DOC2B: variants seen among roughly 807,000 people sequenced by gnomAD.
DOC2B encodes double C2-like domain-containing protein beta.
Under a neutral mutation model 28.9 loss-of-function variants are expected in DOC2B, and 21 were observed. That is an observed-to-expected ratio of 0.73 (90% CI 0.52 to 1.05). The LOEUF (loss-of-function observed/expected upper bound fraction) is 1.05, where lower values mean the gene tolerates loss of function less well. Ranked by LOEUF, DOC2B falls within the 50% of genes least tolerant of loss-of-function variation. DOC2B has a pLI of 0.00. For synonymous variants in DOC2B, 194 were observed against 178.1 expected (o/e 1.09, Z -0.71); for missense variants, 384 against 421.1 (o/e 0.91, Z 0.77).
chr17:153,022 A>T (rs2040088969), intron 6 of DOC2B, among the ~76,000 whole-genome samples: 1 of 151,998 alleles, frequency 6.6e-6, no homozygotes, highest in South Asian at 2.1e-4. Flanking sequence ...CCTTTCAGAG[A>T]CGGGGACCCC....
At chr17:156,613 G>A (rs1412506195) in intron 5 of DOC2B, among the ~76,000 whole-genome samples, 4 of 152,234 alleles carry the variant, frequency 2.6e-5, no homozygotes, top group South Asian at 2.1e-4. Context: ...TGTGGCCTAC[G>A]GTGGCCTTCA....
Position 178,637 on chromosome 17 carries a change from A to T in DOC2B, c.373+2470T>A, listed in dbSNP as rs2040396357. Among the ~76,000 whole-genome samples the T allele has an allele frequency of 1.3e-5, 2 of 152,212 alleles. 1 individual carries two copies. Among genetic ancestry groups the T allele is most frequent in the Admixed American group, 1.3e-4 (2 of 15,282 alleles). On this transcript the variant is annotated intron_variant, in intron 1 of 8. Coordinates refer to ENST00000613549, the MANE Select transcript of DOC2B (RefSeq NM_003585.5). Reference sequence around the variant, plus strand: ...CTCCCTGTCATCGCCCCTCTTCGAGATCTGCTGGGAACATGCGAGTTATGT... The same window carrying T: ...CTCCCTGTCATCGCCCCTCTTCGAGTTCTGCTGGGAACATGCGAGTTATGT...
intron 6 of DOC2B, among the ~76,000 whole-genome samples, chr17:150,926 G>A (rs1477324025): frequency 1.3e-5 from 2 of 152,150 alleles, no homozygotes; most frequent in Non-Finnish European, 2.9e-5. Flanking sequence ...GGACTCACAG[G>A]GCAACACACT....
rs112944646 is a variant in DOC2B, at chr17:160,087, C to T, written c.765+1328G>A. Among the ~76,000 whole-genome samples the T allele has an allele frequency of 3.4e-5, 5 of 148,534 alleles. No individual in the cohort carries two copies. In the South Asian group the frequency reaches 6.3e-4, roughly 19 times the overall value. ...GCAACCTCCGCCTCTCAGGTTCAAGCGATTCTCCTGCCTCAGCCTCCTGAG... is the reference window on the plus strand; with the variant it reads ...GCAACCTCCGCCTCTCAGGTTCAAGTGATTCTCCTGCCTCAGCCTCCTGAG... On this transcript the variant is annotated intron_variant, in intron 5 of 8. Coordinates refer to ENST00000613549, the MANE Select transcript of DOC2B (RefSeq NM_003585.5).
Position 147,373 on chromosome 17 carries a change from G to A in DOC2B, c.*68C>T, listed in dbSNP as rs999983583. Reference sequence around the variant, plus strand: ...GTGGGGGCCACAGGCCTTGGTGGCTGCTGGGGAAGCCCGGGGCCGGCCGTG... The same window carrying A: ...GTGGGGGCCACAGGCCTTGGTGGCTACTGGGGAAGCCCGGGGCCGGCCGTG... On this transcript the variant is annotated 3_prime_UTR_variant, in exon 9 of 9. Coordinates refer to ENST00000613549, the MANE Select transcript of DOC2B (RefSeq NM_003585.5). 429 of 398,646 alleles carry A rather than the reference G, an allele frequency of 1.1e-3. 1 individual carries two copies. Among genetic ancestry groups the A allele is most frequent in the Non-Finnish European group, 1.4e-3 (308 of 226,124 alleles). The allele number at this position is 398,646 out of a possible 1,614,324, so 24.7% of individuals were successfully genotyped here.
intron 2 of DOC2B, 38 bp downstream of exon 2, chr17:172,499 C>T (rs772740733): frequency 2.7e-5 from 41 of 1,535,492 alleles, no homozygotes; most frequent in Middle Eastern, 1.7e-4. Context: ...TTGAGGACCC[C>T]GGGGCAGGGA....
In DOC2B at chr17:172,626, G is replaced by A. The variant is rs548235440; in HGVS notation, c.374-10C>T. ...AGCGTGCCCAGGGCAGCTGCGGACAGAGGAGGGCACAGGTCCCACCCTGGC... is the reference window on the plus strand; with the variant it reads ...AGCGTGCCCAGGGCAGCTGCGGACAAAGGAGGGCACAGGTCCCACCCTGGC... On this transcript the variant is annotated splice_polypyrimidine_tract_variant and intron_variant, in intron 1 of 8. Coordinates refer to ENST00000613549, the MANE Select transcript of DOC2B (RefSeq NM_003585.5). The A allele has an allele frequency of 6.5e-7, 1 of 1,548,814 alleles. No homozygotes were observed. Among genetic ancestry groups the A allele is most frequent in the African/African-American group, 1.4e-5 (1 of 73,020 alleles).
chr17:168,827 C>T (rs1385163307), intron 2 of DOC2B, among the ~76,000 whole-genome samples: 1 of 152,270 alleles, frequency 6.6e-6, no homozygotes, highest in Non-Finnish European at 1.5e-5. Context: ...AAGTGCCTTT[C>T]ACTTTCAGCC....
chr17:165,430 C>A (rs970255139), intron 2 of DOC2B, among the ~76,000 whole-genome samples: 1 of 150,688 alleles, frequency 6.6e-6, no homozygotes, highest in Non-Finnish European at 1.5e-5. Flanking sequence ...TGCAGTGAAC[C>A]ATGATCGCAC....
chr17:161,526 G>A lies in DOC2B; in HGVS notation c.654C>T (p.Asp218=), dbSNP rs755599735. The stretch of plus-strand genomic sequence containing the variant: ...ACTCATTGTGCCGGAATTTGTCCTC[G>A]TCACACACAGAGATCCTAGAGGGGG... ...IRKTLRISVC[D]EDKFRHNEFI... The change falls in exon 5 of 9, where the codon GAC becomes GAT. Residue 218 remains aspartate (D), a synonymous_variant. Coordinates refer to ENST00000613549, the MANE Select transcript of DOC2B (RefSeq NM_003585.5). 5.2e-6 allele frequency: 8 copies of A among 1,551,702 alleles called. No individual in the cohort carries two copies. Among genetic ancestry groups the A allele is most frequent in the South Asian group, 4.8e-5 (4 of 84,056 alleles).
chr17:161,514 G>A lies in DOC2B; in HGVS notation c.666C>T (p.Phe222=), dbSNP rs368090237. The A allele has an allele frequency of 1.2e-5, 19 of 1,551,606 alleles. No homozygotes were observed. Among genetic ancestry groups the A allele is most frequent in the Admixed American group, 3.9e-5 (2 of 50,990 alleles). The change falls in exon 5 of 9, where the codon TTC becomes TTT. Residue 222 remains phenylalanine, a synonymous_variant. Coordinates refer to ENST00000613549, the MANE Select transcript of DOC2B (RefSeq NM_003585.5). ...TCTCCCCGATGAACTCATTGTGCCG[G>A]AATTTGTCCTCGTCACACACAGAGA... is the stretch of plus-strand genomic sequence containing the variant. The part of the protein sequence containing the change: ...LRISVCDEDK[F]RHNEFIGETR...
rs2040445008 is a variant in DOC2B at position 181,538 on chromosome 17, G to A, written c.-59C>T. 1 of 941,928 alleles carries A rather than the reference G, an allele frequency of 1.1e-6. No individual in the cohort carries two copies. Among genetic ancestry groups the A allele is most frequent in the South Asian group, 4.7e-5 (1 of 21,058 alleles). 58.3% of individuals were successfully genotyped at this position (941,928 alleles called of 1,614,324 possible). Reference sequence around the variant, plus strand: ...GGCCCGGCGCGACCCCGGCCCGGGGGCGGCTCAGCAGGCCCGGCGGGGCGC... The same window carrying A: ...GGCCCGGCGCGACCCCGGCCCGGGGACGGCTCAGCAGGCCCGGCGGGGCGC... On this transcript the variant is annotated 5_prime_UTR_variant, in exon 1 of 9. Coordinates refer to ENST00000613549, the MANE Select transcript of DOC2B (RefSeq NM_003585.5). The surrounding 1 kb of genome is among the most constrained non-coding windows in gnomAD (Gnocchi z 7.0).
In DOC2B at chr17:144,085, GC is replaced by G. The variant is rs2040002799; in HGVS notation, c.*3355del. ...ATTGGCGCAGGCGGCGGGCGGGGCG[GC>G]GGGCGGGGCGGCGGGCGGGGCGGCG... On this transcript the variant is annotated 3_prime_UTR_variant, in exon 9 of 9. Coordinates refer to ENST00000613549, the MANE Select transcript of DOC2B (RefSeq NM_003585.5). 6.9e-6 allele frequency: 1 copy of G among 144,400 alleles called. No homozygotes were observed. Among genetic ancestry groups the G allele is most frequent in the Non-Finnish European group, 1.5e-5 (1 of 65,758 alleles). The allele number at this position is 144,400 out of a possible 1,614,324, so 8.9% of individuals were successfully genotyped here. A position where few individuals can be genotyped will look rare whatever the true frequency, so the allele number is the denominator to read the frequency against.
chr17:165,581 G>A (rs1223017713), intron 2 of DOC2B, among the ~76,000 whole-genome samples: 1 of 152,106 alleles, frequency 6.6e-6, no homozygotes, highest in East Asian at 1.9e-4. Flanking sequence ...ACAGGGCCTG[G>A]CAGGCAGGGT....
At chr17:179,466 G>C (rs112686725) in intron 1 of DOC2B, among the ~76,000 whole-genome samples, 3,616 of 152,116 alleles carry the variant, frequency 0.024, 73 homozygotes, top group Non-Finnish European at 0.035. Flanking sequence ...GCACCAGGAG[G>C]GTGGCCTGAA....
In DOC2B at chr17:172,571, T is replaced by C. The variant is rs1487509582; in HGVS notation, c.419A>G (p.Asn140Ser). 6.4e-7 allele frequency: 1 copy of C among 1,551,172 alleles called. No homozygotes were observed. Among genetic ancestry groups the C allele is most frequent in the Non-Finnish European group, 8.7e-7 (1 of 1,146,668 alleles). The change falls in exon 2 of 9, where the codon AAC becomes AGC. Residue 140 changes from asparagine (N) to serine (S), a missense_variant. Asn to Ser is a conservative substitution (Grantham distance 46). Transcript: ENST00000613549. ...GGTGATGGTGCAGTGGAGGGCGTTG[T>C]TCTCCTGGTCATACAGCAGGCTGAA... ...LDFSLLYDQE[N>S]NALHCTITKA...
In DOC2B at chr17:162,455, C is replaced by G. The variant is rs1356554525; in HGVS notation, c.529-265G>C. Among the ~76,000 whole-genome samples the G allele has an allele frequency of 2.0e-5, 3 of 152,110 alleles. No homozygotes were observed. The East Asian group carries it at 5.8e-4, about 29-fold the overall frequency. On this transcript the variant is annotated intron_variant, in intron 3 of 8. Coordinates refer to ENST00000613549, the MANE Select transcript of DOC2B (RefSeq NM_003585.5). ...CAGAGAAGACAGTCAGGGACGTCAC[C>G]AAGGAAGGGGGCCAGAGAGATGCAA...
intron 1 of DOC2B, among the ~76,000 whole-genome samples, chr17:174,818 A>C (rs1270056004): frequency 6.6e-6 from 1 of 152,214 alleles, no homozygotes; most frequent in Admixed American, 6.5e-5. Context: ...TGTGCAAACT[A>C]AGAGCCAACA....
At chr17:148,704 G>C (rs1280853816) in intron 7 of DOC2B, among the ~76,000 whole-genome samples, 1 of 152,112 alleles carries the variant, frequency 6.6e-6, no homozygotes, top group Non-Finnish European at 1.5e-5. Context: ...TCTACCCAAG[G>C]CCCCTCTGCT....
Sources: allele counts gnomAD v4.1 joint callset (sites outside exome capture counted in the v4.1 genomes callset), GRCh38; gene constraint gnomAD v4.1.1; non-coding constraint Gnocchi (gnomAD v3.1); transcripts MANE v1.5; gene names NCBI Gene and HGNC (gene_info 2026-07-23, HGNC 2026-07-21).